Variants in TRMT11 observed in about 807,000 individuals in gnomAD.
TRMT11 encodes the protein tRNA methyltransferase 11, also known as tRNA (guanine(10)-N(2))-methyltransferase TRMT11.
A neutral mutation model predicts 62.8 loss-of-function variants in TRMT11; 53 were observed. The observed-to-expected ratio is 0.84, with a 90% CI of 0.68 to 1.06. TRMT11 has a LOEUF of 1.06. Among genes scored for constraint, TRMT11 ranks in the 50% least tolerant of loss-of-function variants. The pLI is 0.00. For missense variants in TRMT11, 556 were observed against 553.4 expected (o/e 1.00, Z -0.05); for synonymous variants, 188 against 190.3 (o/e 0.99, Z 0.10).
chr6:126,230,762 A>G, the TRMT11 span, among the ~76,000 whole-genome samples: 16 of 152,058 alleles, frequency 1.1e-4, no homozygotes, highest in African/African-American at 3.9e-4. Context: ...TATAAAATAT[A>G]TTAAATATAG....
intron 1 of TRMT11, among the ~76,000 whole-genome samples, chr6:126,182,187 C>T (rs1778474149): frequency 6.6e-6 from 1 of 152,072 alleles, no homozygotes; most frequent in Admixed American, 6.6e-5. Flanking sequence ...GAGAACCTTT[C>T]TACAAAAAGG....
chr6:126,030,343 C>G (rs994758116), intron 12 of TRMT11, among the ~76,000 whole-genome samples: 3 of 152,126 alleles, frequency 2.0e-5, no homozygotes, highest in African/African-American at 7.2e-5. Flanking sequence ...TGAACTGAGC[C>G]CCGTTATATT....
chr6:126,218,884 T>G, the TRMT11 span, among the ~76,000 whole-genome samples: 3 of 152,332 alleles, frequency 2.0e-5, no homozygotes, highest in East Asian at 1.9e-4. Context: ...AAGTTCTGAC[T>G]GCTGGGATGG....
intron 21 of TRMT11, among the ~76,000 whole-genome samples, chr6:126,123,712 A>G (rs1355624611): frequency 2.6e-5 from 4 of 152,120 alleles, no homozygotes; most frequent in African/African-American, 7.2e-5. Flanking sequence ...AAAATAAAGG[A>G]AGTATATAAT....
chr6:126,011,273 CAGAAG>C lies in TRMT11; in HGVS notation c.782_786del (p.Gln261LeufsTer6). On this transcript the variant is annotated frameshift_variant, in exon 9 of 13. Transcript: ENST00000334379. LOFTEE classifies it high-confidence loss of function. The stretch of plus-strand genomic sequence containing the variant: ...TTCAGGAAAGGCTACTAGGAAAAAC[CAGAAG>C]TGGAGAGGACCAGATGAAAACATTA... 1 of 1,612,142 alleles carries C rather than the reference CAGAAG, an allele frequency of 6.2e-7. No homozygotes were observed. Among genetic ancestry groups the C allele is most frequent in the Non-Finnish European group, 8.5e-7 (1 of 1,179,140 alleles).
At chr6:126,151,872 TTC>T (rs1293599289) in intron 21 of TRMT11, among the ~76,000 whole-genome samples, 2 of 123,626 alleles carry the variant, frequency 1.6e-5, no homozygotes, top group South Asian at 2.5e-4. Context: ...CTTTCCTTCT[TTC>T]TCCTTCCTTC....
At chr6:126,155,526 A>C (rs1778108631) in intron 21 of TRMT11, among the ~76,000 whole-genome samples, 2 of 152,276 alleles carry the variant, frequency 1.3e-5, no homozygotes, top group South Asian at 4.1e-4. Context: ...TACAGCATCA[A>C]GTCCAAAGTC....
chr6:126,021,092 A>G lies in TRMT11; in HGVS notation c.1140-68A>G, dbSNP rs990782118. The G allele has an allele frequency of 6.3e-6, 10 of 1,592,356 alleles. No individual in the cohort carries two copies. In the African/African-American group the frequency reaches 1.2e-4, roughly 19 times the overall value. ...GGAAGAACATCCCACACTACACTGGACGATCCCCATGATTCTTTGTGGCCC... is the reference window on the plus strand; with the variant it reads ...GGAAGAACATCCCACACTACACTGGGCGATCCCCATGATTCTTTGTGGCCC... On this transcript the variant is annotated intron_variant, in intron 11 of 12. Transcript: ENST00000334379.
chr6:126,192,060 T>C (rs550673452), intron 1 of TRMT11, among the ~76,000 whole-genome samples: 1 of 152,248 alleles, frequency 6.6e-6, no homozygotes, highest in Non-Finnish European at 1.5e-5. Flanking sequence ...TTAACAGTAT[T>C]AATTATCCCA....
chr6:126,114,618 A>G (rs1409245224), intron 18 of TRMT11, among the ~76,000 whole-genome samples: 1 of 152,062 alleles, frequency 6.6e-6, no homozygotes, highest in South Asian at 2.1e-4. Context: ...TATCTTTCAT[A>G]CTACTCAATA....
rs572364897 is a variant in TRMT11, at chr6:126,044,905, G to A, written c.*1369+4060G>A. ...TGATTGTTAAAATGCTGATTATCAG[G>A]CCAGGCACAGTGGCTCATGCCTGTA... is the stretch of plus-strand genomic sequence containing the variant. On this transcript the variant is annotated intron_variant and NMD_transcript_variant, in intron 16 of 22. Coordinates refer to the TRMT11 transcript ENST00000648977. Among the ~76,000 whole-genome samples, 244 of 152,226 alleles carry A rather than the reference G, an allele frequency of 1.6e-3. 3 individuals are homozygous for A. The highest frequency in any genetic ancestry group is 5.2e-3 in the African/African-American group (218 of 41,530).
At chr6:126,170,186 A>G (rs1443792517) in intron 21 of TRMT11, among the ~76,000 whole-genome samples, 1 of 150,926 alleles carries the variant, frequency 6.6e-6, no homozygotes, top group Non-Finnish European at 1.5e-5. Flanking sequence ...GCCCTTTTTC[A>G]TGTGCTATTA....
rs149810506 is a variant in TRMT11 at position 126,186,411 on chromosome 6, T to C, written n.143+9076T>C. ...TCAACTTCGAAACAACCAAATAGTT[T>C]AATTAAATTCCTAGAATTGTAGAGT... On this transcript the variant is annotated intron_variant and non_coding_transcript_variant, in intron 1 of 3. Transcript: ENST00000444229. Among the ~76,000 whole-genome samples, 968 of 152,324 alleles carry C rather than the reference T, an allele frequency of 6.4e-3. 8 individuals carry two copies. Among genetic ancestry groups the C allele is most frequent in the African/African-American group, 0.021 (870 of 41,572 alleles).
At chr6:126,017,772 GT>G (rs1301920984) in intron 11 of TRMT11, among the ~76,000 whole-genome samples, 1 of 152,158 alleles carries the variant, frequency 6.6e-6, no homozygotes, top group Non-Finnish European at 1.5e-5. Flanking sequence ...TAAAATTACT[GT>G]AGACTGTTGG....
chr6:126,148,265 C>G (rs1053418214), intron 21 of TRMT11, among the ~76,000 whole-genome samples: 1 of 152,194 alleles, frequency 6.6e-6, no homozygotes, highest in East Asian at 1.9e-4. Context: ...GGACACATGG[C>G]TTCCTTCAAG....
intron 17 of TRMT11, among the ~76,000 whole-genome samples, chr6:126,063,189 G>C (rs957878263): frequency 1.3e-5 from 2 of 152,036 alleles, no homozygotes; most frequent in Non-Finnish European, 2.9e-5. Context: ...TCATTCTAGT[G>C]ATATGTATTT....
the TRMT11 span, among the ~76,000 whole-genome samples, chr6:126,215,442 ATTTC>A: frequency 2.0e-5 from 3 of 151,770 alleles, no homozygotes; most frequent in Admixed American, 2.0e-4. Context: ...ATACAATGAC[ATTTC>A]TTTGTCTCTT....
At chr6:126,117,248 A>G (rs1297828612) in intron 21 of TRMT11, among the ~76,000 whole-genome samples, 1 of 152,050 alleles carries the variant, frequency 6.6e-6, no homozygotes, top group Non-Finnish European at 1.5e-5. Flanking sequence ...TGAGATCTTT[A>G]TTTCTTGTTT....
intron 16 of TRMT11, among the ~76,000 whole-genome samples, chr6:126,048,368 G>A (rs545902755): frequency 6.6e-6 from 1 of 152,290 alleles, no homozygotes; most frequent in Non-Finnish European, 1.5e-5. Flanking sequence ...GCCTTGTTAT[G>A]TTTTTACTGA....
Sources: gnomAD v4.1 joint callset for allele counts (sites outside exome capture counted in the v4.1 genomes callset) on GRCh38, gnomAD v4.1.1 for gene constraint, MANE v1.5 for transcripts, NCBI Gene and HGNC (gene_info 2026-07-23, HGNC 2026-07-21) for gene names.